Variants in CHD5 observed in about 807,000 individuals in gnomAD.
The protein encoded by CHD5 is ATP-dependent chromatin remodeler CHD5.
CHD5 carries 69 observed loss-of-function variants against 230.3 expected under a neutral mutation model. The observed-to-expected ratio is 0.30, with a 90% CI of 0.25 to 0.37. The LOEUF is 0.37. Ranked by LOEUF, CHD5 falls within the 10% of genes least tolerant of loss-of-function variation. CHD5 has a pLI of 1.00. For missense variants in CHD5, 1,827 were observed against 2,622.8 expected (o/e 0.70, Z 6.63); for synonymous variants, 1,064 against 1,065.9 (o/e 1.00, Z 0.03).
intron 38 of CHD5, 58 bp downstream of exon 38, chr1:6,109,737 G>C: frequency 1.4e-6 from 2 of 1,466,600 alleles, no homozygotes; most frequent in South Asian, 2.4e-5. Flanking sequence ...AGCCAAGAGC[G>C]CTCGCTGGGC....
At chr1:6,157,377 C>T (rs931224257) in intron 3 of CHD5, among the ~76,000 whole-genome samples, 1 of 152,234 alleles carries the variant, frequency 6.6e-6, no homozygotes, top group Admixed American at 6.5e-5. Flanking sequence ...CATGAGGGTG[C>T]CTGGCCTGAG....
intron 33 of CHD5, among the ~76,000 whole-genome samples, chr1:6,115,091 T>G (rs1012907984): frequency 2.0e-5 from 3 of 151,016 alleles, no homozygotes; most frequent in Non-Finnish European, 4.4e-5. Flanking sequence ...GGCGGGCAGA[T>G]CACGAGATCA....
intron 1 of CHD5, among the ~76,000 whole-genome samples, chr1:6,171,871 C>T (rs1667343570): frequency 6.6e-6 from 1 of 152,254 alleles, no homozygotes; most frequent in Non-Finnish European, 1.5e-5. Flanking sequence ...GTGGCTGCCC[C>T]ACCACCCTCC....
At position 6,143,899 on chromosome 1, in the gene CHD5, G is replaced by A; in HGVS notation, c.1967C>T (p.Pro656Leu). 1.2e-6 allele frequency: 2 copies of A among 1,613,942 alleles called. No homozygotes were observed. Among genetic ancestry groups the A allele is most frequent in the Admixed American group, 3.3e-5 (2 of 60,014 alleles). ...ELMLGEDTRL[P>L]KRLLKKGKKL... ...CTTGCCCTTCTTGAGCAGCCTCTTGGGCAGCCTGGTGTCTTCTCCCAGCAT... is the reference window on the plus strand; with the variant it reads ...CTTGCCCTTCTTGAGCAGCCTCTTGAGCAGCCTGGTGTCTTCTCCCAGCAT... Residue 656 changes from proline (P) to leucine (L), a missense_variant, in exon 13 of 42, where the codon CCC becomes CTC. Coordinates refer to ENST00000262450, the MANE Select transcript of CHD5 (RefSeq NM_015557.3).
At chr1:6,179,285 CAGA>C (rs1321715379) in intron 1 of CHD5, among the ~76,000 whole-genome samples, 2 of 152,286 alleles carry the variant, frequency 1.3e-5, no homozygotes, top group East Asian at 3.9e-4. Context: ...TAGGTCGCGC[CAGA>C]AGGACGCCGG....
At chr1:6,157,613 G>A (rs1046226389) in intron 3 of CHD5, among the ~76,000 whole-genome samples, 2 of 152,130 alleles carry the variant, frequency 1.3e-5, no homozygotes, top group South Asian at 2.1e-4. Flanking sequence ...TCCAGGCTGC[G>A]GGAGGCCTCC....
chr1:6,172,940 G>A (rs1055069260), intron 1 of CHD5, among the ~76,000 whole-genome samples: 4 of 152,008 alleles, frequency 2.6e-5, no homozygotes, highest in African/African-American at 7.2e-5. Context: ...ACTGTGGAGC[G>A]AAAGTTAGGT....
intron 33 of CHD5, among the ~76,000 whole-genome samples, chr1:6,119,515 C>T (rs1465457808): frequency 6.6e-6 from 1 of 152,162 alleles, no homozygotes; most frequent in Non-Finnish European, 1.5e-5. Context: ...CACCTGACAA[C>T]CCAGTCTCAA....
chr1:6,121,544 C>A lies in CHD5; in HGVS notation c.4729G>T (p.Asp1577Tyr). The A allele has an allele frequency of 6.2e-7, 1 of 1,613,110 alleles. No homozygotes were observed. Among genetic ancestry groups the A allele is most frequent in the Middle Eastern group, 1.7e-4 (1 of 6,060 alleles). Residue 1577 changes from aspartate to tyrosine, a missense_variant, in exon 32 of 42, where the codon GAT becomes TAT. Asp to Tyr is a radical substitution (Grantham distance 160, BLOSUM62 -3). Coordinates refer to ENST00000262450, the MANE Select transcript of CHD5 (RefSeq NM_015557.3). This position sits in a 1 kb window ranked among gnomAD's most constrained non-coding sequence, Gnocchi z 4.5. ...DKMEAQLGYMDEKDPGAQKPR... is the reference protein window; with the variant it reads ...DKMEAQLGYMYEKDPGAQKPR... ...TTCTGTGCCCCGGGGTCTTTCTCAT[C>A]CATGTAGCCCAGCTGGGCTTCCATT...
At chr1:6,137,510 G>A (rs1170338418) in intron 15 of CHD5, among the ~76,000 whole-genome samples, 1 of 151,986 alleles carries the variant, frequency 6.6e-6, no homozygotes, top group Non-Finnish European at 1.5e-5. Context: ...GGTTATGTTT[G>A]TCTTTTGGAG....
intron 2 of CHD5, among the ~76,000 whole-genome samples, chr1:6,162,815 G>C (rs989539522): frequency 6.6e-6 from 1 of 152,244 alleles, no homozygotes; most frequent in Non-Finnish European, 1.5e-5. Flanking sequence ...CCAGCAGCTG[G>C]GGCGAGACGC....
At chr1:6,144,549 T>C (rs1458049679) in intron 11 of CHD5, among the ~76,000 whole-genome samples, 6 of 152,242 alleles carry the variant, frequency 3.9e-5, no homozygotes, top group Admixed American at 3.9e-4. Flanking sequence ...TAACTTAAAA[T>C]ACGCAAAGGA....
rs200858938 is a variant in CHD5, at chr1:6,140,398, C to CAA, written c.2436+1728_2436+1729dup. ...CTGGCGACAGAGTGAGACTCCATCT[C>CAA]AAAAAAAAAAAAGAAAAGAAAAAGA... On this transcript the variant is annotated intron_variant, in intron 15 of 41. Transcript: ENST00000262450. 3.0e-5 allele frequency among the ~76,000 whole-genome samples: 4 copies of CAA among 132,320 alleles called. No individual in the cohort carries two copies. In the East Asian group the frequency reaches 6.4e-4, roughly 21 times the overall value. The allele number at this position is 132,320 out of a possible 152,430, so 86.8% of individuals were successfully genotyped here. A position where few individuals can be genotyped will look rare whatever the true frequency, so the allele number is the denominator to read the frequency against.
chr1:6,112,319 A>G (rs1666305677), intron 34 of CHD5, 42 bp from the exon 35 acceptor site: 1 of 1,603,954 alleles, frequency 6.2e-7, no homozygotes, highest in East Asian at 2.2e-5. Context: ...TCCATCCAAA[A>G]AGCAGTGCCC....
rs549652516 is a variant in CHD5, at chr1:6,125,677, C to T, written c.4172-65G>A. 98 of 1,601,946 alleles carry T rather than the reference C, an allele frequency of 6.1e-5. 1 individual carries two copies. In the African/African-American group the frequency reaches 7.6e-4, roughly 12 times the overall value. ...AGAGATTCCTGATCCCCAAGGACAG[C>T]GGGACCCCAGACCAGCCCCGCTCCT... On this transcript the variant is annotated intron_variant, in intron 27 of 41. Coordinates refer to ENST00000262450, the MANE Select transcript of CHD5 (RefSeq NM_015557.3). The surrounding 1 kb of genome is among the most constrained non-coding windows in gnomAD (Gnocchi z 6.7).
At chr1:6,171,724 A>G (rs531666327) in intron 1 of CHD5, among the ~76,000 whole-genome samples, 2 of 152,308 alleles carry the variant, frequency 1.3e-5, no homozygotes, top group East Asian at 3.9e-4. Context: ...GTGGGGACAG[A>G]GCAGAGGCCC....
intron 31 of CHD5, among the ~76,000 whole-genome samples, chr1:6,123,494 T>C (rs1190201443): frequency 6.6e-6 from 1 of 152,058 alleles, no homozygotes; most frequent in Admixed American, 6.6e-5. Flanking sequence ...TGGTGTGATC[T>C]TGGCTCACTG....
At chr1:6,109,465 G>A (rs551292020) in intron 38 of CHD5, among the ~76,000 whole-genome samples, 7 of 152,310 alleles carry the variant, frequency 4.6e-5, no homozygotes, top group East Asian at 1.9e-4. Flanking sequence ...GGTATTGCCC[G>A]GGCTAAAGAC....
chr1:6,112,019 G>T, intron 35 of CHD5, 121 bp downstream of exon 35: 1 of 1,414,438 alleles, frequency 7.1e-7, no homozygotes, highest in Non-Finnish European at 9.8e-7. Flanking sequence ...GGCTAAGAAA[G>T]GTTATACGAT....
Sources: allele counts gnomAD v4.1 joint callset (sites outside exome capture counted in the v4.1 genomes callset), GRCh38; gene constraint gnomAD v4.1.1; non-coding constraint Gnocchi (gnomAD v3.1); transcripts MANE v1.5; gene names NCBI Gene and HGNC (gene_info 2026-07-23, HGNC 2026-07-21).